The following GLIS3 variants were observed in gnomAD, a reference collection of about 807,000 sequenced individuals.
GLIS3 encodes zinc finger protein GLIS3.
A neutral mutation model predicts 78.6 loss-of-function variants in GLIS3; 53 were observed. The ratio of observed to expected loss-of-function variants is 0.67; its 90% confidence interval spans 0.54 to 0.85. GLIS3 has a LOEUF of 0.85. Among genes scored for constraint, GLIS3 ranks in the 40% least tolerant of loss-of-function variants. GLIS3 has a pLI of 0.00. For synonymous variants in GLIS3, 684 were observed against 509.9 expected (o/e 1.34, Z -4.60); for missense variants, 1,703 against 1,231.1 (o/e 1.38, Z -5.74).
the GLIS3 span, among the ~76,000 whole-genome samples, chr9:4,450,368 T>G: frequency 1.3e-5 from 2 of 152,046 alleles, no homozygotes; most frequent in East Asian, 3.9e-4. Context: ...AAATCTACGT[T>G]TGATTGGTGT....
At chr9:4,158,863 C>T (rs1018294058) in intron 2 of GLIS3, among the ~76,000 whole-genome samples, 5 of 152,004 alleles carry the variant, frequency 3.3e-5, no homozygotes, top group African/African-American at 1.2e-4. Flanking sequence ...CTACTCTGAA[C>T]TGAGTGGCAG....
At chr9:3,982,065 G>C (rs1053899252) in intron 4 of GLIS3, among the ~76,000 whole-genome samples, 2 of 152,116 alleles carry the variant, frequency 1.3e-5, no homozygotes, top group Non-Finnish European at 2.9e-5. Flanking sequence ...TTTAAAGAAT[G>C]GCACATTTTA....
At chr9:3,883,011 G>A (rs1821836790) in intron 7 of GLIS3, among the ~76,000 whole-genome samples, 1 of 152,110 alleles carries the variant, frequency 6.6e-6, no homozygotes, top group Admixed American at 6.5e-5. Context: ...CCAAGATGAT[G>A]ACCAGAAATT....
chr9:4,360,679 G>A, the GLIS3 span, among the ~76,000 whole-genome samples: 8 of 152,282 alleles, frequency 5.3e-5, no homozygotes, highest in South Asian at 2.1e-4. Flanking sequence ...CAGGGTTAAC[G>A]TTTGAACCAA....
intron 2 of GLIS3, among the ~76,000 whole-genome samples, chr9:4,267,988 T>C (rs1587233203): frequency 1.3e-5 from 2 of 151,322 alleles, no homozygotes; most frequent in African/African-American, 2.4e-5. Context: ...TGTGCATGTG[T>C]ATATATATGT....
intron 2 of GLIS3, among the ~76,000 whole-genome samples, chr9:4,311,917 G>T (rs1043121644): frequency 4.0e-5 from 6 of 151,570 alleles, no homozygotes; most frequent in African/African-American, 1.4e-4. Flanking sequence ...CTTCTTGGAA[G>T]TGGAAACTAC....
intron 1 of GLIS3, among the ~76,000 whole-genome samples, chr9:4,297,851 T>C (rs938147268): frequency 2.6e-5 from 4 of 151,782 alleles, no homozygotes; most frequent in Non-Finnish European, 4.4e-5. Flanking sequence ...GAGAGGCGCG[T>C]AGGACAAGGC....
At chr9:3,888,813 TACA>T (rs988589457) in intron 7 of GLIS3, among the ~76,000 whole-genome samples, 2 of 152,204 alleles carry the variant, frequency 1.3e-5, no homozygotes, top group African/African-American at 4.8e-5. Flanking sequence ...TATGCCCATA[TACA>T]ACATTTTTTC....
In GLIS3 at chr9:4,286,119, C is replaced by T; in HGVS notation, c.307G>A (p.Ala103Thr). Residue 103 changes from alanine (A) to threonine (T), a missense_variant, in exon 2 of 11, where the codon GCT becomes ACT. Transcript: ENST00000381971. ...GTATGTGACCCTGACATGCCTCCAG[C>T]CTGGGTGACCTGGAATCGCGGCTTC... ...NGKPRFQVTQAGGMSGSHTLK... is the reference protein window; with the variant it reads ...NGKPRFQVTQTGGMSGSHTLK... The T allele has an allele frequency of 6.2e-7, 1 of 1,613,588 alleles. No individual in the cohort carries two copies. Among genetic ancestry groups the T allele is most frequent in the Non-Finnish European group, 8.5e-7 (1 of 1,179,506 alleles).
chr9:3,884,173 A>G (rs1821918222), intron 7 of GLIS3, among the ~76,000 whole-genome samples: 1 of 152,164 alleles, frequency 6.6e-6, no homozygotes, highest in Non-Finnish European at 1.5e-5. Flanking sequence ...GAAAACCATT[A>G]ATCTATATTT....
the GLIS3 span, among the ~76,000 whole-genome samples, chr9:4,445,444 T>G: frequency 2.4e-4 from 36 of 152,030 alleles, no homozygotes; most frequent in Non-Finnish European, 1.0e-4. Flanking sequence ...CTGGGCAACA[T>G]AGTGGGACCT....
At chr9:4,216,195 A>G (rs1353523650) in intron 2 of GLIS3, among the ~76,000 whole-genome samples, 4 of 151,982 alleles carry the variant, frequency 2.6e-5, no homozygotes, top group African/African-American at 7.3e-5. Flanking sequence ...GGTTGAGGCC[A>G]GGCACGGTGG....
chr9:3,893,766 A>C (rs1344984121), intron 7 of GLIS3, among the ~76,000 whole-genome samples: 1 of 152,232 alleles, frequency 6.6e-6, no homozygotes, highest in Non-Finnish European at 1.5e-5. Flanking sequence ...GTCTGGCACA[A>C]ATTCAGATTC....
Position 4,309,914 on chromosome 9 carries a change from C to T in GLIS3, n.392+487G>A, listed in dbSNP as rs556491137. ...CACAAATTTGGCGGCCAAAAGATTTCTCTCAAAGGTATGAAAAAAATGTCT... is the reference window on the plus strand; with the variant it reads ...CACAAATTTGGCGGCCAAAAGATTTTTCTCAAAGGTATGAAAAAAATGTCT... On this transcript the variant is annotated intron_variant and non_coding_transcript_variant, in intron 3 of 4. Transcript: ENST00000471664. Among the ~76,000 whole-genome samples, 3 of 152,284 alleles carry T rather than the reference C, an allele frequency of 2.0e-5. No homozygotes were observed. The South Asian group carries it at 6.2e-4, about 32-fold the overall frequency.
chr9:4,448,809 G>A, the GLIS3 span, among the ~76,000 whole-genome samples: 2 of 152,142 alleles, frequency 1.3e-5, no homozygotes, highest in African/African-American at 2.4e-5. Flanking sequence ...TTACTTTGTG[G>A]TTTGTTTGTT....
intron 2 of GLIS3, among the ~76,000 whole-genome samples, chr9:4,190,607 T>C (rs930511799): frequency 6.6e-6 from 1 of 151,190 alleles, no homozygotes; most frequent in African/African-American, 2.4e-5. Context: ...GAAAACACTC[T>C]GCAGGATATT....
intron 2 of GLIS3, among the ~76,000 whole-genome samples, chr9:4,231,598 A>C (rs999808937): frequency 6.6e-6 from 1 of 152,214 alleles, no homozygotes; most frequent in African/African-American, 2.4e-5. Context: ...GAATAAAGCA[A>C]AACTCTTAAA....
At chr9:4,400,693 G>C in the GLIS3 span, among the ~76,000 whole-genome samples, 106 of 152,280 alleles carry the variant, frequency 7.0e-4, no homozygotes, top group Non-Finnish European at 1.4e-3. Flanking sequence ...TACTCTTTTA[G>C]AGGACTTCAT....
chr9:4,007,509 A>G (rs568433130), intron 4 of GLIS3, among the ~76,000 whole-genome samples: 1 of 152,238 alleles, frequency 6.6e-6, no homozygotes, highest in Non-Finnish European at 1.5e-5. Flanking sequence ...AATGTCAGCT[A>G]AAAAAGAAAT....
Sources: allele counts gnomAD v4.1 joint callset (sites outside exome capture counted in the v4.1 genomes callset), GRCh38; gene constraint gnomAD v4.1.1; transcripts MANE v1.5; gene names NCBI Gene and HGNC (gene_info 2026-07-23, HGNC 2026-07-21).